The following NALF1 variants were observed in gnomAD, a reference collection of about 807,000 sequenced individuals.
The protein encoded by NALF1 is NALCN channel auxiliary factor 1.
NALF1 carries 3 observed loss-of-function variants against 48.4 expected under a neutral mutation model. That is an observed-to-expected ratio of 0.06 (90% CI 0.03 to 0.16). NALF1 has a LOEUF of 0.16. Among genes scored for constraint, NALF1 ranks in the 10% least tolerant of loss-of-function variants. NALF1 has a pLI of 1.00. For synonymous variants in NALF1, 262 were observed against 245.7 expected (o/e 1.07, Z -0.62); for missense variants, 526 against 571.5 (o/e 0.92, Z 0.81).
intron 1 of NALF1, among the ~76,000 whole-genome samples, chr13:107,863,341 G>A (rs1421650149): frequency 2.6e-5 from 4 of 152,116 alleles, no homozygotes; most frequent in Non-Finnish European, 4.4e-5. Context: ...GAAAATATAT[G>A]TTAAACTAAG....
chr13:107,620,231 G>T (rs1038659658), intron 1 of NALF1, among the ~76,000 whole-genome samples: 1 of 152,120 alleles, frequency 6.6e-6, no homozygotes, highest in Non-Finnish European at 1.5e-5. Flanking sequence ...GTGAGCCAGA[G>T]AAGAGATTTC....
intron 1 of NALF1, among the ~76,000 whole-genome samples, chr13:107,632,208 T>A (rs917162336): frequency 6.6e-6 from 1 of 152,152 alleles, no homozygotes; most frequent in Admixed American, 6.6e-5. Flanking sequence ...ACTATATCTA[T>A]CTCTGTATCC....
intron 1 of NALF1, among the ~76,000 whole-genome samples, chr13:107,252,424 G>A (rs895498718): frequency 4.0e-5 from 6 of 151,308 alleles, no homozygotes; most frequent in Non-Finnish European, 7.4e-5. Flanking sequence ...ATAAAGAGAG[G>A]AGAGAGGAAA....
chr13:107,506,809 T>G (rs571806426), intron 1 of NALF1, among the ~76,000 whole-genome samples: 4 of 152,232 alleles, frequency 2.6e-5, no homozygotes, highest in Non-Finnish European at 5.9e-5. Flanking sequence ...TCATTTCTAC[T>G]TTTTGGTCAT....
intron 1 of NALF1, among the ~76,000 whole-genome samples, chr13:107,335,018 AG>A (rs1232520152): frequency 6.6e-6 from 1 of 152,130 alleles, no homozygotes; most frequent in Non-Finnish European, 1.5e-5. Flanking sequence ...GGAGAGGATG[AG>A]GACACCTAAA....
At chr13:107,805,117 A>G (rs1878736682) in intron 1 of NALF1, among the ~76,000 whole-genome samples, 1 of 152,164 alleles carries the variant, frequency 6.6e-6, no homozygotes, top group South Asian at 2.1e-4. Flanking sequence ...GCAACTAAAA[A>G]CAGTAATTGA....
At chr13:107,850,172 C>T (rs547892767) in intron 1 of NALF1, among the ~76,000 whole-genome samples, 5 of 152,210 alleles carry the variant, frequency 3.3e-5, no homozygotes, top group East Asian at 1.9e-4. Flanking sequence ...TAAATTGGCC[C>T]GGCATTATCA....
At chr13:107,463,728 T>G (rs189710137) in intron 1 of NALF1, among the ~76,000 whole-genome samples, 1 of 152,220 alleles carries the variant, frequency 6.6e-6, no homozygotes, top group Admixed American at 6.5e-5. Context: ...CATCCACAGA[T>G]TAAAGAGTAT....
chr13:107,290,778 A>T (rs1260399114), intron 1 of NALF1, among the ~76,000 whole-genome samples: 2 of 152,174 alleles, frequency 1.3e-5, no homozygotes, highest in African/African-American at 2.4e-5. Flanking sequence ...ACAAATTGAC[A>T]CTGAGGTGTG....
At chr13:107,318,774 T>C (rs1043121181) in intron 1 of NALF1, among the ~76,000 whole-genome samples, 4 of 152,074 alleles carry the variant, frequency 2.6e-5, no homozygotes, top group Non-Finnish European at 5.9e-5. Flanking sequence ...ACACTGATTA[T>C]AGAGCAAAAA....
intron 1 of NALF1, among the ~76,000 whole-genome samples, chr13:107,438,563 G>A (rs1187070699): frequency 6.6e-6 from 1 of 151,902 alleles, no homozygotes; most frequent in African/African-American, 2.4e-5. Flanking sequence ...CAGCACTTTG[G>A]GAGGCCGAGG....
At chr13:107,399,474 G>A (rs1017493346) in intron 1 of NALF1, among the ~76,000 whole-genome samples, 4 of 146,318 alleles carry the variant, frequency 2.7e-5, no homozygotes, top group African/African-American at 7.6e-5. Context: ...ACACAGCATA[G>A]AGGGAAGAAA....
chr13:107,561,597 A>G (rs749087151), intron 1 of NALF1, among the ~76,000 whole-genome samples: 10 of 152,184 alleles, frequency 6.6e-5, no homozygotes, highest in Non-Finnish European at 1.0e-4. Flanking sequence ...CCTTTAACTA[A>G]TAAGGAATCT....
chr13:107,491,780 G>A (rs1182540960), intron 1 of NALF1, among the ~76,000 whole-genome samples: 1 of 152,022 alleles, frequency 6.6e-6, no homozygotes, highest in Non-Finnish European at 1.5e-5. Context: ...ATGTAAGATG[G>A]TATAAATTAT....
chr13:107,506,165 G>A (rs1489289741), intron 1 of NALF1, among the ~76,000 whole-genome samples: 1 of 151,974 alleles, frequency 6.6e-6, no homozygotes, highest in Non-Finnish European at 1.5e-5. Context: ...GAATATTTTT[G>A]TTGTTGTCAT....
intron 1 of NALF1, among the ~76,000 whole-genome samples, chr13:107,294,908 G>GA (rs1218381161): frequency 6.6e-6 from 1 of 152,184 alleles, no homozygotes; most frequent in Non-Finnish European, 1.5e-5. Context: ...ACTGAAGAAA[G>GA]AATATTGGAA....
chr13:107,468,473 A>G (rs1032692020), intron 1 of NALF1, among the ~76,000 whole-genome samples: 1 of 152,202 alleles, frequency 6.6e-6, no homozygotes, highest in African/African-American at 2.4e-5. Context: ...TATAGCCACA[A>G]CTGGTTAAGA....
At chr13:107,352,590 G>C (rs1037300474) in intron 1 of NALF1, among the ~76,000 whole-genome samples, 2 of 152,134 alleles carry the variant, frequency 1.3e-5, no homozygotes, top group Non-Finnish European at 2.9e-5. Context: ...GATGGCAAGA[G>C]AGCTCTCAAG....
At chr13:107,819,683 T>TTCTCTCTCTCTCTCTCTCTCTCTCTC (rs35254661) in intron 1 of NALF1, among the ~76,000 whole-genome samples, 1 of 136,468 alleles carries the variant, frequency 7.3e-6, no homozygotes, top group Non-Finnish European at 1.6e-5. Context: ...CAGCTGGAAA[T>TTCTCTCTCTCTCTCTCTCTCTCTCTC]TCTCTCTCTC....
Sources: gnomAD v4.1 joint callset for allele counts (sites outside exome capture counted in the v4.1 genomes callset) on GRCh38, gnomAD v4.1.1 for gene constraint, MANE v1.5 for transcripts, NCBI Gene and HGNC (gene_info 2026-07-23, HGNC 2026-07-21) for gene names.